MAP2K5: variants seen among roughly 807,000 people sequenced by gnomAD.
MAP2K5 encodes the protein dual specificity mitogen-activated protein kinase kinase 5.
In MAP2K5, 49 loss-of-function variants were observed where a neutral mutation model predicts 83.1. The observed-to-expected ratio is 0.59, with a 90% CI of 0.47 to 0.75. The LOEUF (loss-of-function observed/expected upper bound fraction) is 0.75, where lower values mean the gene tolerates loss of function less well. Ranked by LOEUF, MAP2K5 falls within the 30% of genes least tolerant of loss-of-function variation. The pLI is 0.00. For missense variants in MAP2K5, 457 were observed against 557.5 expected (o/e 0.82, Z 1.82); for synonymous variants, 202 against 191.8 (o/e 1.05, Z -0.44).
chr15:67,777,410 C>G lies in MAP2K5; in HGVS notation c.1242+4658C>G, dbSNP rs2141312586. Among the ~76,000 whole-genome samples, 1 of 152,254 alleles carries G rather than the reference C, an allele frequency of 6.6e-6. No homozygotes were observed. The stretch of plus-strand genomic sequence containing the variant: ...ATCTATGCATAGTAAGTAATCAGGT[C>G]AGAAGAAGCAGCATCCCGGTTTGAG... On this transcript the variant is annotated intron_variant, in intron 21 of 21. Transcript: ENST00000178640. The surrounding 1 kb of genome is among the most constrained non-coding windows in gnomAD (Gnocchi z 6.0).
At chr15:67,733,787 A>G (rs778674530) in intron 17 of MAP2K5, among the ~76,000 whole-genome samples, 2 of 152,234 alleles carry the variant, frequency 1.3e-5, no homozygotes, top group Non-Finnish European at 2.9e-5. Context: ...ATAATAAGTG[A>G]AAAATATGCA....
chr15:67,746,931 A>G lies in MAP2K5; in HGVS notation c.1075-1300A>G, dbSNP rs555021781. Reference sequence around the variant, plus strand: ...TAGCTGCAGCTCTTGAGAAACTCACAGTCTAGGTGAGAGGAACCAACATGT... The same window carrying G: ...TAGCTGCAGCTCTTGAGAAACTCACGGTCTAGGTGAGAGGAACCAACATGT... On this transcript the variant is annotated intron_variant, in intron 17 of 21. Transcript: ENST00000178640. The surrounding 1 kb of genome is among the most constrained non-coding windows in gnomAD (Gnocchi z 4.1). Among the ~76,000 whole-genome samples, 6 of 152,374 alleles carry G rather than the reference A, an allele frequency of 3.9e-5. No individual in the cohort carries two copies. The South Asian group carries it at 1.0e-3, about 26-fold the overall frequency.
intron 21 of MAP2K5, among the ~76,000 whole-genome samples, chr15:67,772,959 A>T (rs1268042586): frequency 6.6e-6 from 1 of 152,184 alleles, no homozygotes; most frequent in Non-Finnish European, 1.5e-5. Flanking sequence ...TTGAAAGTTA[A>T]TGCAGAGCTC....
chr15:67,626,518 C>A (rs2086327810), intron 8 of MAP2K5, among the ~76,000 whole-genome samples: 1 of 152,122 alleles, frequency 6.6e-6, no homozygotes, highest in Admixed American at 6.6e-5. Flanking sequence ...CAGAGCAAGG[C>A]TCCATCTTAA....
intron 8 of MAP2K5, among the ~76,000 whole-genome samples, chr15:67,613,346 A>G (rs1260079996): frequency 6.6e-6 from 1 of 152,160 alleles, no homozygotes; most frequent in African/African-American, 2.4e-5. Context: ...GCTTTTATGG[A>G]GATTAGAAGT....
chr15:67,642,436 C>G (rs1225010449), intron 9 of MAP2K5: 1 of 1,611,068 alleles, frequency 6.2e-7, no homozygotes, highest in Admixed American at 1.7e-5. Context: ...GATGCATGCT[C>G]AAGGCAGAAT....
intron 19 of MAP2K5, among the ~76,000 whole-genome samples, chr15:67,761,084 A>G (rs1297220730): frequency 6.6e-6 from 1 of 151,898 alleles, no homozygotes; most frequent in Non-Finnish European, 1.5e-5. Context: ...CAGGGAGTGT[A>G]AGTTCCTTCC....
chr15:67,806,127 A>T (rs2090800144), intron 21 of MAP2K5, among the ~76,000 whole-genome samples: 1 of 152,186 alleles, frequency 6.6e-6, no homozygotes, highest in South Asian at 2.1e-4. Context: ...ACTTCCCCTG[A>T]CATGTTTGCC....
chr15:67,806,460 G>C (rs2090809716), intron 21 of MAP2K5, among the ~76,000 whole-genome samples, 186 bp from the exon 22 acceptor site: 3 of 152,250 alleles, frequency 2.0e-5, no homozygotes, highest in Admixed American at 2.0e-4. Flanking sequence ...CTGACTACCA[G>C]TATGTCACTG....
At chr15:67,648,015 A>G (rs2086867209) in intron 11 of MAP2K5, among the ~76,000 whole-genome samples, 1 of 152,162 alleles carries the variant, frequency 6.6e-6, no homozygotes, top group African/African-American at 2.4e-5. Flanking sequence ...ACTCCAGTCT[A>G]GGCAACAGAG....
intron 15 of MAP2K5, among the ~76,000 whole-genome samples, chr15:67,701,084 G>GT (rs2088405432): frequency 6.6e-6 from 1 of 151,966 alleles, no homozygotes; most frequent in Non-Finnish European, 1.5e-5. Context: ...GTGTGTGCGT[G>GT]TTTTTTCTGT....
At chr15:67,589,871 G>C (rs1259954443) in intron 6 of MAP2K5, among the ~76,000 whole-genome samples, 1 of 151,712 alleles carries the variant, frequency 6.6e-6, no homozygotes, top group Non-Finnish European at 1.5e-5. Flanking sequence ...CTGTATTTTA[G>C]TATCCTTTAT....
At chr15:67,583,627 C>CAAA (rs1448001310) in intron 4 of MAP2K5, among the ~76,000 whole-genome samples, 1 of 152,050 alleles carries the variant, frequency 6.6e-6, no homozygotes, top group Non-Finnish European at 1.5e-5. Context: ...GGGTATATTT[C>CAAA]CTGTGTCTAC....
At chr15:67,673,253 A>G (rs992110535) in intron 13 of MAP2K5, among the ~76,000 whole-genome samples, 6 of 151,988 alleles carry the variant, frequency 3.9e-5, no homozygotes, top group African/African-American at 1.4e-4. Flanking sequence ...CGGAAGTTGC[A>G]AAAAAATGCA....
At position 67,569,267 on chromosome 15, in the gene MAP2K5, G is replaced by T. The variant is rs569592719; in HGVS notation, c.252+5917G>T. On this transcript the variant is annotated intron_variant, in intron 3 of 21. Coordinates refer to ENST00000178640, the MANE Select transcript of MAP2K5 (RefSeq NM_145160.3). ...GTTCTACTTTGAACTTAACTTTGCA[G>T]GTGGCAAAATCAGTTCAGCTTTCAA... is the stretch of plus-strand genomic sequence containing the variant. Among the ~76,000 whole-genome samples, 28 of 152,300 alleles carry T rather than the reference G, an allele frequency of 1.8e-4. No individual in the cohort carries two copies. The South Asian group carries it at 5.6e-3, about 30-fold the overall frequency.
chr15:67,543,570 T>TC lies in MAP2K5; in HGVS notation c.135+100_135+101insC. 2 of 1,386,094 alleles carry TC rather than the reference T, an allele frequency of 1.4e-6. No individual in the cohort carries two copies. Among genetic ancestry groups the TC allele is most frequent in the Non-Finnish European group, 2.0e-6 (2 of 993,032 alleles). The allele number at this position is 1,386,094 out of a possible 1,614,324, so 85.9% of individuals were successfully genotyped here. ...GGTGACCTGAGCCAGTGGCAATGGC[T>TC]ACTGCTGGCTTCCTGTGGAGGCAGT... On this transcript the variant is annotated intron_variant, in intron 1 of 21. Transcript: ENST00000178640. The surrounding 1 kb of genome is among the most constrained non-coding windows in gnomAD (Gnocchi z 4.3).
intron 3 of MAP2K5, among the ~76,000 whole-genome samples, chr15:67,566,094 G>C (rs1032024282): frequency 6.6e-6 from 1 of 152,108 alleles, no homozygotes; most frequent in African/African-American, 2.4e-5. Context: ...CCAGGATTTC[G>C]TATAAAGGCA....
In MAP2K5 at chr15:67,543,350, C is replaced by T; in HGVS notation, c.15C>T (p.Ala5=). The change falls in exon 1 of 22, where the codon GCC becomes GCT. Residue 5 remains alanine (A), a synonymous_variant. Transcript: ENST00000178640. This position sits in a 1 kb window ranked among gnomAD's most constrained non-coding sequence, Gnocchi z 4.3. MLWL[A]LGPFPAMENQ... Reference sequence around the variant, plus strand: ...TTTAACCTGTAATGCTGTGGCTAGCCCTTGGCCCCTTTCCTGCCATGGAGA... The same window carrying T: ...TTTAACCTGTAATGCTGTGGCTAGCTCTTGGCCCCTTTCCTGCCATGGAGA... The T allele has an allele frequency of 1.2e-6, 2 of 1,614,206 alleles. No homozygotes were observed. Among genetic ancestry groups the T allele is most frequent in the Non-Finnish European group, 1.7e-6 (2 of 1,180,046 alleles).
At chr15:67,660,879 A>AC (rs1426876715) in intron 12 of MAP2K5, among the ~76,000 whole-genome samples, 1 of 151,444 alleles carries the variant, frequency 6.6e-6, no homozygotes, top group African/African-American at 2.4e-5. Context: ...GAGAAAAAAA[A>AC]AAAATAGAGG....
Sources: allele counts gnomAD v4.1 joint callset (sites outside exome capture counted in the v4.1 genomes callset), GRCh38; gene constraint gnomAD v4.1.1; non-coding constraint Gnocchi (gnomAD v3.1); transcripts MANE v1.5; gene names NCBI Gene and HGNC (gene_info 2026-07-23, HGNC 2026-07-21).